Variants in OXCT1 observed in about 807,000 individuals in gnomAD.
OXCT1 encodes succinyl-CoA:3-ketoacid coenzyme A transferase 1, mitochondrial.
Under a neutral mutation model 69.6 loss-of-function variants are expected in OXCT1, and 27 were observed. The observed-to-expected ratio is 0.39, with a 90% CI of 0.29 to 0.54. OXCT1 has a LOEUF of 0.54. Ranked by LOEUF, OXCT1 falls within the 20% of genes least tolerant of loss-of-function variation. OXCT1 has a pLI of 0.72. For missense variants in OXCT1, 437 were observed against 650.2 expected (o/e 0.67, Z 3.57); for synonymous variants, 202 against 217.8 (o/e 0.93, Z 0.64).
At chr5:41,743,909 A>C (rs897617600) in intron 15 of OXCT1, among the ~76,000 whole-genome samples, 4 of 152,150 alleles carry the variant, frequency 2.6e-5, no homozygotes, top group African/African-American at 9.7e-5. Context: ...GAAGTCAGGT[A>C]GCCTGATGCC....
At chr5:41,745,725 C>T (rs1743449280) in intron 15 of OXCT1, among the ~76,000 whole-genome samples, 1 of 152,082 alleles carries the variant, frequency 6.6e-6, no homozygotes, top group African/African-American at 2.4e-5. Flanking sequence ...GATATCACCA[C>T]CGATCCCACA....
At chr5:41,859,861 A>AGTAATATATATATATATATATAT (rs1373090941) in intron 3 of OXCT1, among the ~76,000 whole-genome samples, 2 of 96,762 alleles carry the variant, frequency 2.1e-5, no homozygotes, top group Non-Finnish European at 4.5e-5. Context: ...TGACTAGTAT[A>AGTAATATATATATATATATATAT]GTAATATATA....
At chr5:41,734,590 G>A (rs1183665089) in intron 16 of OXCT1, among the ~76,000 whole-genome samples, 1 of 152,168 alleles carries the variant, frequency 6.6e-6, no homozygotes, top group African/African-American at 2.4e-5. Flanking sequence ...AGCTTGTCAA[G>A]CTTTAATACG....
At chr5:41,816,264 C>T (rs1299743813) in intron 7 of OXCT1, among the ~76,000 whole-genome samples, 1 of 151,778 alleles carries the variant, frequency 6.6e-6, no homozygotes, top group African/African-American at 2.4e-5. Context: ...GTTTGTTTTC[C>T]CTGATTTATA....
rs36095905 is a variant in OXCT1 at position 41,753,270 on chromosome 5, TAC to T, written c.1339-3665_1339-3664del. ...AAGTGCTTGTTAAATGTGGCTGCAA[TAC>T]ACACACACACACACACATAGACACA... On this transcript the variant is annotated intron_variant, in intron 14 of 16. Coordinates refer to ENST00000196371, the MANE Select transcript of OXCT1 (RefSeq NM_000436.4). 5.8e-3 allele frequency among the ~76,000 whole-genome samples: 857 copies of T among 148,308 alleles called. 5 individuals carry two copies. Among genetic ancestry groups the T allele is most frequent in the East Asian group, 0.038 (191 of 4,996 alleles).
At chr5:41,794,797 A>G (rs954590253) in intron 11 of OXCT1, 48 bp from the exon 12 acceptor site, 16 of 1,588,036 alleles carry the variant, frequency 1.0e-5, no homozygotes, top group Middle Eastern at 1.7e-4. Context: ...TAGATTTCTA[A>G]GAGTATCATG....
At chr5:41,854,852 C>A (rs1180802097) in intron 3 of OXCT1, among the ~76,000 whole-genome samples, 1 of 152,050 alleles carries the variant, frequency 6.6e-6, no homozygotes, top group African/African-American at 2.4e-5. Flanking sequence ...ACTGAAATGA[C>A]CACCTTGGAA....
In OXCT1 at chr5:41,762,248, T is replaced by C. The variant is rs1561369951; in HGVS notation, c.1249-48A>G. 1.4e-6 allele frequency: 2 copies of C among 1,394,384 alleles called. No homozygotes were observed. Among genetic ancestry groups the C allele is most frequent in the South Asian group, 1.2e-5 (1 of 86,872 alleles). 86.4% of individuals were successfully genotyped at this position (1,394,384 alleles called of 1,614,324 possible). On this transcript the variant is annotated intron_variant, in intron 13 of 16. Coordinates refer to ENST00000196371, the MANE Select transcript of OXCT1 (RefSeq NM_000436.4). The surrounding 1 kb of genome is among the most constrained non-coding windows in gnomAD (Gnocchi z 4.0). ...CTCTGTATCTTTCACTTCTTTTGTA[T>C]GTGACAGAACAAAATTAACTTGCAA...
chr5:41,833,189 T>C (rs1164864802), intron 7 of OXCT1, among the ~76,000 whole-genome samples: 1 of 152,140 alleles, frequency 6.6e-6, no homozygotes, highest in Non-Finnish European at 1.5e-5. Context: ...CAAGGAAGAC[T>C]ACCTCCAAAG....
At chr5:41,767,722 G>GTATATATATATATATATATATATATATA (rs367584226) in intron 13 of OXCT1, among the ~76,000 whole-genome samples, 3 of 89,944 alleles carry the variant, frequency 3.3e-5, no homozygotes, top group African/African-American at 5.4e-5. Flanking sequence ...ATATGTGTGT[G>GTATATATATATATATATATATATATATA]TATATATATA....
chr5:41,844,942 CAAAAA>C (rs552992378), intron 5 of OXCT1, among the ~76,000 whole-genome samples: 1 of 78,248 alleles, frequency 1.3e-5, no homozygotes. Context: ...GGCTTCCTAG[CAAAAA>C]AAAAAAAAAA....
intron 1 of OXCT1, among the ~76,000 whole-genome samples, chr5:41,864,248 CT>C (rs1234001869): frequency 6.6e-6 from 1 of 152,192 alleles, no homozygotes; most frequent in African/African-American, 2.4e-5. Context: ...AGAATAACAT[CT>C]GAATCCTGAT....
intron 1 of OXCT1, among the ~76,000 whole-genome samples, chr5:41,868,817 TAA>T (rs2112494265): frequency 6.6e-6 from 1 of 152,334 alleles, no homozygotes; most frequent in South Asian, 2.1e-4. Flanking sequence ...CTGACAGGGC[TAA>T]GTTTGAACTC....
intron 16 of OXCT1, among the ~76,000 whole-genome samples, chr5:41,732,361 T>G (rs1742677229): frequency 6.6e-6 from 1 of 152,196 alleles, no homozygotes; most frequent in South Asian, 2.1e-4. Context: ...AACAATTAAA[T>G]GTTGATTATA....
intron 15 of OXCT1, among the ~76,000 whole-genome samples, chr5:41,748,350 G>A (rs952099161): frequency 6.6e-6 from 1 of 151,974 alleles, no homozygotes; most frequent in African/African-American, 2.4e-5. Flanking sequence ...GGAAGGAGGA[G>A]AGGACCCACA....
intron 13 of OXCT1, among the ~76,000 whole-genome samples, chr5:41,769,858 A>C (rs918951177): frequency 6.6e-6 from 1 of 152,160 alleles, no homozygotes; most frequent in Non-Finnish European, 1.5e-5. Context: ...TCCTGGATTC[A>C]AGTGATTCTT....
intron 3 of OXCT1, among the ~76,000 whole-genome samples, chr5:41,855,305 T>C (rs1749380136): frequency 2.0e-5 from 3 of 152,182 alleles, no homozygotes; most frequent in Admixed American, 6.5e-5. Flanking sequence ...GAGGGCTTCC[T>C]GGGGTACTGG....
intron 13 of OXCT1, among the ~76,000 whole-genome samples, chr5:41,769,829 C>T (rs1380546655): frequency 6.6e-6 from 1 of 152,158 alleles, no homozygotes; most frequent in Non-Finnish European, 1.5e-5. Context: ...GGTTGGGGTA[C>T]AGTGGCAGGA....
chr5:41,859,917 C>T (rs1749660459), intron 3 of OXCT1, among the ~76,000 whole-genome samples: 1 of 116,028 alleles, frequency 8.6e-6, no homozygotes, highest in Admixed American at 8.7e-5. Context: ...TACACACACA[C>T]ACACACAAGT....
Sources: allele counts gnomAD v4.1 joint callset (sites outside exome capture counted in the v4.1 genomes callset), GRCh38; gene constraint gnomAD v4.1.1; non-coding constraint Gnocchi (gnomAD v3.1); transcripts MANE v1.5; gene names NCBI Gene and HGNC (gene_info 2026-07-23, HGNC 2026-07-21).